GRID2: variants seen among roughly 807,000 people sequenced by gnomAD.
GRID2 encodes the protein glutamate receptor ionotropic, delta-2.
GRID2 carries 33 observed loss-of-function variants against 114.8 expected under a neutral mutation model. That is an observed-to-expected ratio of 0.29 (90% CI 0.22 to 0.38). GRID2 has a LOEUF of 0.38. GRID2 is among the 10% of genes least tolerant of loss of function. GRID2 has a pLI of 1.00. For synonymous variants in GRID2, 505 were observed against 449.9 expected (o/e 1.12, Z -1.55); for missense variants, 1,184 against 1,257.7 (o/e 0.94, Z 0.89).
chr4:92,963,240 T>C (rs1023663883), intron 2 of GRID2, among the ~76,000 whole-genome samples: 3 of 151,988 alleles, frequency 2.0e-5, no homozygotes, highest in African/African-American at 7.2e-5. Context: ...AACAATGCAG[T>C]TTGCCTTATC....
intron 3 of GRID2, among the ~76,000 whole-genome samples, chr4:93,096,074 G>T (rs961637615): frequency 6.6e-6 from 1 of 151,976 alleles, no homozygotes; most frequent in African/African-American, 2.4e-5. Context: ...CACAGGCATA[G>T]AGTGGGGTTG....
At chr4:93,291,438 T>C (rs1012439434) in intron 8 of GRID2, among the ~76,000 whole-genome samples, 1 of 152,182 alleles carries the variant, frequency 6.6e-6, no homozygotes, top group Non-Finnish European at 1.5e-5. Context: ...TTGGTTTTGT[T>C]AGAATTAAGT....
At chr4:93,792,977 A>AAC (rs1734725248) in intron 1 of GRID2, among the ~76,000 whole-genome samples, 1 of 152,220 alleles carries the variant, frequency 6.6e-6, no homozygotes, top group Non-Finnish European at 1.5e-5. Context: ...TAAACTGTGA[A>AAC]ACAATGTACA....
chr4:93,082,192 G>A (rs920170704), intron 2 of GRID2, among the ~76,000 whole-genome samples: 2 of 152,150 alleles, frequency 1.3e-5, no homozygotes, highest in Non-Finnish European at 2.9e-5. Context: ...TTACTTGTGT[G>A]AGCTCTTCCT....
Position 93,174,585 on chromosome 4 carries a change from T to A in GRID2, c.736-32819T>A, listed in dbSNP as rs187215361. Among the ~76,000 whole-genome samples, 205 of 152,116 alleles carry A rather than the reference T, an allele frequency of 1.3e-3. 1 individual carries two copies. The highest frequency in any genetic ancestry group is 2.6e-3 in the African/African-American group (106 of 41,500). On this transcript the variant is annotated intron_variant, in intron 4 of 15. Coordinates refer to ENST00000282020, the MANE Select transcript of GRID2 (RefSeq NM_001510.4). ...CTTTCGGGTTAAAGGAGGTCATGAG[T>A]GGGGACCTAATCTGATAGGACTGTG...
intron 1 of GRID2, among the ~76,000 whole-genome samples, chr4:92,378,056 T>C (rs898448432): frequency 7.2e-5 from 11 of 151,928 alleles, no homozygotes; most frequent in African/African-American, 2.7e-4. Flanking sequence ...GTATCTTAGA[T>C]CATATAATTT....
intron 14 of GRID2, among the ~76,000 whole-genome samples, chr4:93,720,145 CA>C (rs375352154): frequency 5.9e-5 from 9 of 151,592 alleles, no homozygotes; most frequent in South Asian, 2.1e-4. Context: ...TGAGAGCCCC[CA>C]AAAAAAATGA....
intron 2 of GRID2, among the ~76,000 whole-genome samples, chr4:92,721,492 A>C (rs892308364): frequency 2.0e-5 from 3 of 152,104 alleles, no homozygotes; most frequent in Non-Finnish European, 4.4e-5. Flanking sequence ...TATTATTCTA[A>C]ATAAGAAATA....
At chr4:92,699,697 A>G (rs928520982) in intron 2 of GRID2, among the ~76,000 whole-genome samples, 2 of 152,184 alleles carry the variant, frequency 1.3e-5, no homozygotes, top group African/African-American at 2.4e-5. Flanking sequence ...AGAAGCATGC[A>G]TGGCTAAGAA....
chr4:93,698,674 G>A (rs1037816855), intron 14 of GRID2, among the ~76,000 whole-genome samples: 1 of 151,984 alleles, frequency 6.6e-6, no homozygotes, highest in Non-Finnish European at 1.5e-5. Context: ...ATTGATTTTA[G>A]GAATAAGTTT....
At chr4:92,677,354 AG>A (rs1733424495) in intron 2 of GRID2, among the ~76,000 whole-genome samples, 1 of 152,332 alleles carries the variant, frequency 6.6e-6, no homozygotes, top group East Asian at 1.9e-4. Context: ...GTTAGACAAA[AG>A]ATCAGAGGAA....
chr4:93,479,835 A>G (rs1725680016), intron 11 of GRID2, among the ~76,000 whole-genome samples: 1 of 152,076 alleles, frequency 6.6e-6, no homozygotes, highest in African/African-American at 2.4e-5. Flanking sequence ...CCCCACTGAT[A>G]CAGCCAGAAG....
chr4:93,538,880 A>G (rs1732374294), intron 13 of GRID2, among the ~76,000 whole-genome samples: 1 of 151,834 alleles, frequency 6.6e-6, no homozygotes, highest in Non-Finnish European at 1.5e-5. Context: ...AGAAAAAAAA[A>G]AGACATTAAC....
At chr4:93,296,076 T>C (rs899005762) in intron 8 of GRID2, among the ~76,000 whole-genome samples, 14 of 152,202 alleles carry the variant, frequency 9.2e-5, no homozygotes, top group Admixed American at 8.5e-4. Flanking sequence ...AGAAGTTTAA[T>C]ACTGGGGTTT....
chr4:92,370,169 A>G (rs1050482691), intron 1 of GRID2, among the ~76,000 whole-genome samples: 1 of 152,112 alleles, frequency 6.6e-6, no homozygotes, highest in African/African-American at 2.4e-5. Context: ...TATATCTGTT[A>G]TGGTGATCTG....
chr4:93,028,799 G>C (rs745979479), intron 2 of GRID2, among the ~76,000 whole-genome samples: 1 of 151,868 alleles, frequency 6.6e-6, no homozygotes, highest in Admixed American at 6.6e-5. Flanking sequence ...TGAGGTAGCT[G>C]GTCCTGCTTT....
chr4:92,495,001 A>C (rs1723319466), intron 1 of GRID2, among the ~76,000 whole-genome samples: 1 of 152,044 alleles, frequency 6.6e-6, no homozygotes, highest in Non-Finnish European at 1.5e-5. Flanking sequence ...GAGAAAAATT[A>C]ATAAAAATAT....
At chr4:92,948,086 A>G (rs867731124) in intron 2 of GRID2, among the ~76,000 whole-genome samples, 47 of 151,996 alleles carry the variant, frequency 3.1e-4, no homozygotes, top group African/African-American at 1.1e-3. Flanking sequence ...GTATAAATAT[A>G]TTTATGGCTC....
At chr4:92,748,870 G>T (rs1737289971) in intron 2 of GRID2, among the ~76,000 whole-genome samples, 1 of 151,684 alleles carries the variant, frequency 6.6e-6, no homozygotes, top group Non-Finnish European at 1.5e-5. Context: ...TGCCATGTTG[G>T]CCAGGCAGGT....
Sources: gnomAD v4.1 joint callset for allele counts (sites outside exome capture counted in the v4.1 genomes callset) on GRCh38, gnomAD v4.1.1 for gene constraint, MANE v1.5 for transcripts, NCBI Gene and HGNC (gene_info 2026-07-23, HGNC 2026-07-21) for gene names.